Variants in GALNT13 observed in about 807,000 individuals in gnomAD.
GALNT13 encodes the protein polypeptide N-acetylgalactosaminyltransferase 13.
A neutral mutation model predicts 64.2 loss-of-function variants in GALNT13; 28 were observed. The ratio of observed to expected loss-of-function variants is 0.44; its 90% CI spans 0.32 to 0.60. The LOEUF is 0.60. GALNT13 is among the 20% of genes least tolerant of loss of function. The pLI, the probability that GALNT13 is intolerant of heterozygous loss-of-function variation, is 0.05. For synonymous variants in GALNT13, 214 were observed against 224.6 expected (o/e 0.95, Z 0.42); for missense variants, 577 against 669.8 (o/e 0.86, Z 1.53).
intron 3 of GALNT13, among the ~76,000 whole-genome samples, chr2:154,024,424 C>G (rs535008219): frequency 6.6e-6 from 1 of 152,088 alleles, no homozygotes; most frequent in Non-Finnish European, 1.5e-5. Context: ...CTTCCCTTCT[C>G]GCTTCATTTC....
chr2:153,920,926 T>G (rs2105336021), intron 2 of GALNT13, among the ~76,000 whole-genome samples: 1 of 152,272 alleles, frequency 6.6e-6, no homozygotes, highest in Admixed American at 6.5e-5. Context: ...CACCATGAGA[T>G]ACCATCTTAC....
At chr2:153,842,097 G>A in the GALNT13 span, among the ~76,000 whole-genome samples, 6 of 151,912 alleles carry the variant, frequency 3.9e-5, no homozygotes, top group Non-Finnish European at 1.5e-5. Flanking sequence ...GAAAAATTCT[G>A]CTATTGAAAA....
At chr2:153,368,888 A>G in the GALNT13 span, among the ~76,000 whole-genome samples, 1 of 152,058 alleles carries the variant, frequency 6.6e-6, no homozygotes, top group Non-Finnish European at 1.5e-5. Flanking sequence ...TAAATTGTAT[A>G]TTGAATATAC....
the GALNT13 span, among the ~76,000 whole-genome samples, chr2:153,836,052 A>T: frequency 6.6e-6 from 1 of 152,190 alleles, no homozygotes; most frequent in Non-Finnish European, 1.5e-5. Flanking sequence ...AAATAATTTT[A>T]GGAGTCTTTA....
chr2:153,691,838 A>G, the GALNT13 span, among the ~76,000 whole-genome samples: 2 of 152,122 alleles, frequency 1.3e-5, no homozygotes, highest in Non-Finnish European at 2.9e-5. Flanking sequence ...CAATAAATAA[A>G]TATATATACA....
chr2:154,020,982 G>C (rs777980593), intron 3 of GALNT13, among the ~76,000 whole-genome samples: 4 of 152,112 alleles, frequency 2.6e-5, no homozygotes, highest in Non-Finnish European at 2.9e-5. Flanking sequence ...GCTTGTTTTT[G>C]TGAGGTTTGT....
chr2:153,860,025 T>A, the GALNT13 span, among the ~76,000 whole-genome samples: 1 of 152,178 alleles, frequency 6.6e-6, no homozygotes, highest in South Asian at 2.1e-4. Context: ...TGAAGGTGAA[T>A]AAAGAAGTCC....
At chr2:153,876,728 T>C (rs1686407462) in intron 1 of GALNT13, among the ~76,000 whole-genome samples, 1 of 152,170 alleles carries the variant, frequency 6.6e-6, no homozygotes, top group Non-Finnish European at 1.5e-5. Flanking sequence ...TGCTCTCATG[T>C]CCTTAAATTC....
the GALNT13 span, among the ~76,000 whole-genome samples, chr2:153,083,482 T>G: frequency 6.6e-6 from 1 of 152,212 alleles, no homozygotes; most frequent in South Asian, 2.1e-4. Flanking sequence ...TGCATTTCCC[T>G]GATCATTAAT....
At chr2:153,695,364 G>T in the GALNT13 span, among the ~76,000 whole-genome samples, 1 of 152,202 alleles carries the variant, frequency 6.6e-6, no homozygotes, top group Non-Finnish European at 1.5e-5. Flanking sequence ...CTAGTCAAGG[G>T]CCTAACTTGC....
intron 4 of GALNT13, among the ~76,000 whole-genome samples, chr2:154,192,563 C>T (rs1230808867): frequency 6.6e-6 from 1 of 151,994 alleles, no homozygotes; most frequent in African/African-American, 2.4e-5. Context: ...GTAACTTGTC[C>T]GTTTGTGTGT....
chr2:153,462,216 A>G, the GALNT13 span, among the ~76,000 whole-genome samples: 1 of 152,098 alleles, frequency 6.6e-6, no homozygotes, highest in Non-Finnish European at 1.5e-5. Flanking sequence ...CCCTCCGTAC[A>G]TATAAATAGT....
intron 1 of GALNT13, among the ~76,000 whole-genome samples, chr2:153,889,224 A>G (rs1687383762): frequency 6.6e-6 from 1 of 151,980 alleles, no homozygotes; most frequent in Non-Finnish European, 1.5e-5. Context: ...ATTCAGATTC[A>G]TTCTTGACTT....
chr2:153,402,427 A>C, the GALNT13 span, among the ~76,000 whole-genome samples: 2 of 151,068 alleles, frequency 1.3e-5, no homozygotes, highest in Admixed American at 1.3e-4. Flanking sequence ...CTTCTCAAGG[A>C]GTATCTTTGT....
chr2:153,137,722 C>CAA, the GALNT13 span, among the ~76,000 whole-genome samples: 9 of 105,566 alleles, frequency 8.5e-5, no homozygotes, highest in East Asian at 2.8e-4. Flanking sequence ...GATGGAGCCT[C>CAA]AAAAAAAAAA....
intron 9 of GALNT13, among the ~76,000 whole-genome samples, chr2:154,341,952 G>A (rs1253444070): frequency 6.6e-6 from 1 of 152,076 alleles, no homozygotes; most frequent in African/African-American, 2.4e-5. Context: ...GATATGTGTT[G>A]TAAAACAAAA....
At chr2:154,309,245 CCA>C (rs1693904203) in intron 9 of GALNT13, among the ~76,000 whole-genome samples, 1 of 152,082 alleles carries the variant, frequency 6.6e-6, no homozygotes, top group South Asian at 2.1e-4. Flanking sequence ...TCCTTCTCGC[CCA>C]CAGTCTTCAA....
At chr2:153,118,696 A>T in the GALNT13 span, among the ~76,000 whole-genome samples, 5 of 152,240 alleles carry the variant, frequency 3.3e-5, no homozygotes, top group African/African-American at 9.6e-5. Context: ...TTTATAGTTC[A>T]TTATGAGCCA....
chr2:154,162,736 A>G (rs1045766947), intron 4 of GALNT13, among the ~76,000 whole-genome samples: 33 of 152,212 alleles, frequency 2.2e-4, no homozygotes, highest in African/African-American at 7.5e-4. Flanking sequence ...AATAGCAACC[A>G]AAAATATTTG....
Sources: allele counts gnomAD v4.1 joint callset (sites outside exome capture counted in the v4.1 genomes callset), GRCh38; gene constraint gnomAD v4.1.1; transcripts MANE v1.5; gene names NCBI Gene and HGNC (gene_info 2026-07-23, HGNC 2026-07-21).